FOXP1: variants seen among roughly 807,000 people sequenced by gnomAD.
FOXP1 encodes forkhead box P1.
A neutral mutation model predicts 98.2 loss-of-function variants in FOXP1; 15 were observed. The ratio of observed to expected loss-of-function variants is 0.15; its 90% CI spans 0.10 to 0.24. The LOEUF is 0.24. Ranked by LOEUF, FOXP1 falls within the 10% of genes least tolerant of loss-of-function variation. The pLI, the probability that FOXP1 is intolerant of heterozygous loss-of-function variation, is 1.00. For missense variants in FOXP1, 633 were observed against 848.5 expected, an observed-to-expected ratio of 0.75 and a Z score of 3.15; for synonymous variants, 371 against 314.5, an observed-to-expected ratio of 1.18 and a Z score of -1.90.
chr3:71,002,941 A>G lies in FOXP1; in HGVS notation c.975-1882T>C, dbSNP rs7618164. On this transcript the variant is annotated intron_variant, in intron 12 of 20. Coordinates refer to ENST00000649528, the MANE Select transcript of FOXP1 (RefSeq NM_001349338.3). ...TCTAATAAGCTGTCACCAATGAAAC[A>G]AGACCACAGACCAGGACCCAGTGGA... is the stretch of plus-strand genomic sequence containing the variant. Among the ~76,000 whole-genome samples the G allele has an allele frequency of 2.8e-3, 422 of 152,320 alleles. 2 individuals are homozygous for G. The highest frequency in any genetic ancestry group is 9.8e-3 in the African/African-American group (409 of 41,556).
At chr3:71,447,133 A>T (rs1314072879) in intron 3 of FOXP1, among the ~76,000 whole-genome samples, 1 of 152,164 alleles carries the variant, frequency 6.6e-6, no homozygotes, top group Non-Finnish European at 1.5e-5. Flanking sequence ...TGCATAGGAA[A>T]CCTCAGTAAA....
intron 6 of FOXP1, among the ~76,000 whole-genome samples, chr3:71,161,094 T>C (rs2061110250): frequency 1.3e-5 from 2 of 152,200 alleles, no homozygotes; most frequent in Admixed American, 1.3e-4. Context: ...GTGCCTGACA[T>C]TTTAGAAGGT....
At chr3:71,568,945 C>T (rs1436615246) in intron 2 of FOXP1, among the ~76,000 whole-genome samples, 1 of 152,212 alleles carries the variant, frequency 6.6e-6, no homozygotes, top group Admixed American at 6.5e-5. Context: ...CTGTGCCCAG[C>T]CTGTTCTCTG....
chr3:71,361,808 C>T lies in FOXP1; in HGVS notation c.-167-2564G>A, dbSNP rs76502345. Among the ~76,000 whole-genome samples the T allele has an allele frequency of 9.2e-3, 1,405 of 152,296 alleles. 15 individuals carry two copies. Among genetic ancestry groups the T allele is most frequent in the Middle Eastern group, 0.024 (7 of 294 alleles). On this transcript the variant is annotated intron_variant, in intron 3 of 20. Transcript: ENST00000649528. ...TCATGTTTATTTTCAACAGACTAACCAGCGCTTAGCTTCCATTTGTCTGAT... is the reference window on the plus strand; with the variant it reads ...TCATGTTTATTTTCAACAGACTAACTAGCGCTTAGCTTCCATTTGTCTGAT...
In FOXP1 at chr3:71,183,654, C is replaced by A. The variant is rs977696801; in HGVS notation, c.180+14548G>T. Among the ~76,000 whole-genome samples the A allele has an allele frequency of 1.9e-4, 29 of 152,298 alleles. No individual in the cohort carries two copies. In the East Asian group the frequency reaches 5.6e-3, roughly 29 times the overall value. ...ATATATAAACTGAGGCACAGAGAAA[C>A]TTACACAGTCACCCAACTAGCAAGT... On this transcript the variant is annotated intron_variant, in intron 6 of 20. Coordinates refer to ENST00000649528, the MANE Select transcript of FOXP1 (RefSeq NM_001349338.3).
intron 3 of FOXP1, among the ~76,000 whole-genome samples, chr3:71,465,324 A>AAAGAAGAAGAAG (rs398052612): frequency 1.5e-5 from 1 of 67,658 alleles, no homozygotes; most frequent in African/African-American, 5.5e-5. Flanking sequence ...AAAAAAAAAA[A>AAAGAAGAAGAAG]AAGAAGAAGA....
At position 71,458,357 on chromosome 3, in the gene FOXP1, AC is replaced by A. The variant is rs2087698920; in HGVS notation, c.-168+35068del. Among the ~76,000 whole-genome samples the A allele has an allele frequency of 2.0e-5, 3 of 152,346 alleles. No individual in the cohort carries two copies. In the South Asian group the frequency reaches 6.2e-4, roughly 32 times the overall value. The stretch of plus-strand genomic sequence containing the variant: ...CCAATGTATACATGTCCACATACAC[AC>A]ATTACATAGACACATGTCAAGCTAT... On this transcript the variant is annotated intron_variant, in intron 3 of 20. Transcript: ENST00000649528.
intron 6 of FOXP1, among the ~76,000 whole-genome samples, chr3:71,186,348 A>T (rs1036385205): frequency 6.6e-6 from 1 of 152,138 alleles, no homozygotes; most frequent in African/African-American, 2.4e-5. Flanking sequence ...TTAGAAAGGA[A>T]CTCTAGAGGA....
intron 3 of FOXP1, among the ~76,000 whole-genome samples, chr3:71,380,947 C>A (rs116610224): frequency 6.6e-6 from 1 of 151,846 alleles, no homozygotes; most frequent in Non-Finnish European, 1.5e-5. Flanking sequence ...GCTAGTAAAA[C>A]GTAAAACTTA....
At chr3:71,484,531 A>G (rs966585177) in intron 3 of FOXP1, among the ~76,000 whole-genome samples, 1 of 152,234 alleles carries the variant, frequency 6.6e-6, no homozygotes, top group African/African-American at 2.4e-5. Context: ...AGCAGCATAT[A>G]TCTAACATTT....
chr3:70,956,014 T>C lies in FOXP1; in HGVS notation c.*3233A>G, dbSNP rs1021381249. 10 of 233,094 alleles carry C rather than the reference T, an allele frequency of 4.3e-5. No homozygotes were observed. The highest frequency in any genetic ancestry group is 7.6e-5 in the Non-Finnish European group (9 of 118,046). The allele number at this position is 233,094 out of a possible 1,614,324, so 14.4% of individuals were successfully genotyped here. ...TTAAAGCAAGGATAACTAAATAAAATACATGTGCAGCATATTCTGCAATTC... is the reference window on the plus strand; with the variant it reads ...TTAAAGCAAGGATAACTAAATAAAACACATGTGCAGCATATTCTGCAATTC... On this transcript the variant is annotated 3_prime_UTR_variant, in exon 21 of 21. Transcript: ENST00000649528.
intron 5 of FOXP1, among the ~76,000 whole-genome samples, chr3:71,233,858 G>A (rs911160364): frequency 3.3e-5 from 5 of 152,102 alleles, no homozygotes; most frequent in African/African-American, 1.2e-4. Context: ...TTAAGACCTT[G>A]GTAAAATGGA....
At chr3:71,426,235 A>T (rs1052455622) in intron 3 of FOXP1, among the ~76,000 whole-genome samples, 1 of 152,174 alleles carries the variant, frequency 6.6e-6, no homozygotes, top group Non-Finnish European at 1.5e-5. Context: ...GGGAATTAAC[A>T]CTATAAGCTC....
At chr3:71,066,299 A>G (rs555877233) in intron 7 of FOXP1, among the ~76,000 whole-genome samples, 1 of 152,330 alleles carries the variant, frequency 6.6e-6, no homozygotes, top group African/African-American at 2.4e-5. Context: ...GCTGTAAAAG[A>G]GACAAGCGCG....
At chr3:71,034,537 A>G (rs1486646267) in intron 11 of FOXP1, among the ~76,000 whole-genome samples, 1 of 152,204 alleles carries the variant, frequency 6.6e-6, no homozygotes. Context: ...GGAAAATCAA[A>G]AAATAAAAAT....
At chr3:71,073,318 T>C (rs1309667906) in intron 7 of FOXP1, among the ~76,000 whole-genome samples, 2 of 152,206 alleles carry the variant, frequency 1.3e-5, no homozygotes, top group Non-Finnish European at 2.9e-5. Flanking sequence ...CCTCTAACTT[T>C]GTTCTCTGCT....
At chr3:71,008,246 ACTC>A (rs1331924857) in intron 12 of FOXP1, among the ~76,000 whole-genome samples, 2 of 151,924 alleles carry the variant, frequency 1.3e-5, no homozygotes, top group African/African-American at 4.8e-5. Context: ...CTTCAAATCT[ACTC>A]CTCATTTTGC....
intron 5 of FOXP1, among the ~76,000 whole-genome samples, chr3:71,272,950 G>A (rs904407843): frequency 2.6e-5 from 4 of 152,146 alleles, no homozygotes; most frequent in Admixed American, 2.0e-4. Flanking sequence ...GCAGCATCTG[G>A]AGAAGGGAAA....
At chr3:71,097,099 C>A (rs1447024454) in intron 7 of FOXP1, among the ~76,000 whole-genome samples, 1 of 152,088 alleles carries the variant, frequency 6.6e-6, no homozygotes. Flanking sequence ...AATAAGGAAT[C>A]CTGGTTCAAT....
Sources: gnomAD v4.1 joint callset for allele counts (sites outside exome capture counted in the v4.1 genomes callset) on GRCh38, gnomAD v4.1.1 for gene constraint, MANE v1.5 for transcripts, NCBI Gene and HGNC (gene_info 2026-07-23, HGNC 2026-07-21) for gene names.